Variants in FOXN2 observed in about 807,000 individuals in gnomAD.
The protein encoded by FOXN2 is forkhead box N2, also known as forkhead box protein N2.
FOXN2 carries 19 observed loss-of-function variants against 41.2 expected under a neutral mutation model. That is an observed-to-expected ratio of 0.46 (90% CI 0.32 to 0.68). The LOEUF is 0.68. Ranked by LOEUF, FOXN2 falls within the 30% of genes least tolerant of loss-of-function variation. FOXN2 has a pLI of 0.03. For missense variants in FOXN2, 587 were observed against 509.4 expected (o/e 1.15, Z -1.47); for synonymous variants, 195 against 176.8 (o/e 1.10, Z -0.82).
chr2:48,346,964 G>T (rs1339489453), intron 3 of FOXN2, among the ~76,000 whole-genome samples: 1 of 152,004 alleles, frequency 6.6e-6, no homozygotes, highest in Non-Finnish European at 1.5e-5. Context: ...TCCACTATAG[G>T]TACCTAGATT....
At position 48,375,313 on chromosome 2, in the gene FOXN2, C is replaced by T. The variant is rs756108709; in HGVS notation, c.1166C>T (p.Thr389Ile). The T allele has an allele frequency of 4.3e-6, 7 of 1,613,754 alleles. No individual in the cohort carries two copies. In the East Asian group the frequency reaches 1.3e-4, roughly 31 times the overall value. ...TCAGGCAAAAAGATGCGAAAACAGACATGTCAAGAAATTGATGAGGAGCTC... is the reference window on the plus strand; with the variant it reads ...TCAGGCAAAAAGATGCGAAAACAGATATGTCAAGAAATTGATGAGGAGCTC... ...GQSGKKMRKQ[T>I]CQEIDEELKE... Residue 389 changes from threonine (T) to isoleucine (I), a missense_variant, in exon 7 of 7, where the codon ACA (threonine) becomes ATA (isoleucine). Transcript: ENST00000340553.
At chr2:48,355,204 A>G (rs978321597) in intron 3 of FOXN2, among the ~76,000 whole-genome samples, 25 of 152,350 alleles carry the variant, frequency 1.6e-4, no homozygotes, top group African/African-American at 5.5e-4. Context: ...GGTCACATCT[A>G]TAATTTTTAA....
rs781232464 is a variant in FOXN2, at chr2:48,374,889, GACCT to G, written c.773-29_773-26del. On this transcript the variant is annotated intron_variant, in intron 6 of 6. Transcript: ENST00000340553. ...TCTGTTTTTGCAACCAAACACATTT[GACCT>G]ATTGATGGAACTTTTATTTTCCACA... 5.1e-6 allele frequency: 8 copies of G among 1,563,376 alleles called. No homozygotes were observed. In the African/African-American group the frequency reaches 1.1e-4, roughly 21 times the overall value.
At chr2:48,336,418 A>AT (rs1553410430) in intron 2 of FOXN2, among the ~76,000 whole-genome samples, 174 of 147,448 alleles carry the variant, frequency 1.2e-3, no homozygotes, top group African/African-American at 2.3e-3. Context: ...CAAAAAAAAA[A>AT]ATATATATAT....
intron 1 of FOXN2, among the ~76,000 whole-genome samples, chr2:48,321,515 G>A (rs1327104647): frequency 6.6e-6 from 1 of 151,988 alleles, no homozygotes; most frequent in African/African-American, 2.4e-5. Flanking sequence ...CAGCCTGGGC[G>A]ACAGAGCAAC....
At position 48,346,535 on chromosome 2, in the gene FOXN2, A is replaced by T. The variant is rs141843958; in HGVS notation, c.321A>T (p.Lys107Asn). The part of the protein sequence containing the change: ...GPACYQNPEK[K>N]SATSKPPYSF... ...CTTGCTACCAGAACCCAGAAAAAAA[A>T]TCAGCGACTTCAAAGCCCCCATACT... Residue 107 changes from lysine (K) to asparagine (N), a missense_variant, in exon 3 of 7, where the codon AAA (lysine) becomes AAT (asparagine). Physicochemically the swap from Lys to Asn is moderately conservative, Grantham distance 94. Coordinates refer to ENST00000340553, the MANE Select transcript of FOXN2 (RefSeq NM_002158.4). The T allele has an allele frequency of 6.2e-7, 1 of 1,613,538 alleles. No individual in the cohort carries two copies. The highest frequency in any genetic ancestry group is 1.1e-5 in the South Asian group (1 of 91,034).
chr2:48,324,141 A>G (rs1309802011), intron 1 of FOXN2, among the ~76,000 whole-genome samples: 1 of 152,162 alleles, frequency 6.6e-6, no homozygotes, highest in African/African-American at 2.4e-5. Flanking sequence ...AGTAGAATGG[A>G]AAACATAGTA....
At chr2:48,345,576 G>GT (rs1300230653) in intron 2 of FOXN2, among the ~76,000 whole-genome samples, 2 of 152,048 alleles carry the variant, frequency 1.3e-5, no homozygotes, top group African/African-American at 4.8e-5. Context: ...ATATATACAT[G>GT]TATCATAATA....
At position 48,375,681 on chromosome 2, in the gene FOXN2, A is replaced by G. The variant is rs958755735; in HGVS notation, c.*238A>G. ...ATAATTTTTGTGATAAATGTGTCCA[A>G]GATTTGAAAATTTTTATATAAGAAA... On this transcript the variant is annotated 3_prime_UTR_variant, in exon 7 of 7. Coordinates refer to ENST00000340553, the MANE Select transcript of FOXN2 (RefSeq NM_002158.4). The G allele has an allele frequency of 5.6e-6, 2 of 360,304 alleles. No individual in the cohort carries two copies. The highest frequency in any genetic ancestry group is 4.1e-5 in the African/African-American group (2 of 48,338). 22.3% of individuals were successfully genotyped at this position (360,304 alleles called of 1,614,324 possible). A position where few individuals can be genotyped will look rare whatever the true frequency, so the allele number is the denominator to read the frequency against.
At chr2:48,344,661 C>G (rs1670978900) in intron 2 of FOXN2, among the ~76,000 whole-genome samples, 1 of 152,162 alleles carries the variant, frequency 6.6e-6, no homozygotes, top group Non-Finnish European at 1.5e-5. Flanking sequence ...ATGGAGTGCT[C>G]TGAGGCTAAC....
chr2:48,319,691 A>G (rs1229902205), intron 1 of FOXN2, among the ~76,000 whole-genome samples: 3 of 150,692 alleles, frequency 2.0e-5, no homozygotes, highest in Non-Finnish European at 1.5e-5. Context: ...GTGCACTGCA[A>G]GCTCCACCTC....
In FOXN2 at chr2:48,333,246, A is replaced by G. The variant is rs1670127608; in HGVS notation, c.-15+4544A>G. Among the ~76,000 whole-genome samples the G allele has an allele frequency of 5.3e-5, 8 of 152,268 alleles. No individual in the cohort carries two copies. The South Asian group carries it at 1.7e-3, about 32-fold the overall frequency. ...AAAGAACCAGCAGAGGTTCTTCTGAATAGTATATCTCTTATACATCTCTTT... is the reference window on the plus strand; with the variant it reads ...AAAGAACCAGCAGAGGTTCTTCTGAGTAGTATATCTCTTATACATCTCTTT... On this transcript the variant is annotated intron_variant, in intron 2 of 6. Transcript: ENST00000340553.
intron 4 of FOXN2, among the ~76,000 whole-genome samples, chr2:48,360,859 A>G (rs1672126850): frequency 6.6e-6 from 1 of 151,120 alleles, no homozygotes; most frequent in Non-Finnish European, 1.5e-5. Context: ...CCAAAAATAC[A>G]AAAATTAGCT....
chr2:48,364,464 A>G (rs1004798273), intron 5 of FOXN2, among the ~76,000 whole-genome samples: 4 of 152,126 alleles, frequency 2.6e-5, no homozygotes, highest in African/African-American at 7.2e-5. Context: ...ATACACTTGC[A>G]TGCGTGTATG....
At position 48,377,344 on chromosome 2, in the gene FOXN2, C is replaced by T. The variant is rs1051747088; in HGVS notation, c.*1901C>T. ...ACCACAGTATAAATAATAGATTATA[C>T]ACATCATCTTAATAACTATTTTTAA... On this transcript the variant is annotated 3_prime_UTR_variant, in exon 7 of 7. Transcript: ENST00000340553. 6.6e-6 allele frequency: 1 copy of T among 151,858 alleles called. No individual in the cohort carries two copies. Among genetic ancestry groups the T allele is most frequent in the African/African-American group, 2.4e-5 (1 of 41,384 alleles). 9.4% of individuals were successfully genotyped at this position (151,858 alleles called of 1,614,324 possible).
intron 1 of FOXN2, among the ~76,000 whole-genome samples, chr2:48,327,968 C>T (rs1039313153): frequency 1.3e-5 from 2 of 152,012 alleles, no homozygotes; most frequent in East Asian, 3.8e-4. Flanking sequence ...GACATTGGGG[C>T]TATTAGTAAG....
chr2:48,314,161 G>T (rs1333007944), upstream of FOXN2, among the ~76,000 whole-genome samples: 2 of 152,226 alleles, frequency 1.3e-5, no homozygotes, highest in East Asian at 1.9e-4. Context: ...AAGGTCTTGC[G>T]GAAACCCACA....
chr2:48,353,839 CTCTG>C (rs939174604), intron 3 of FOXN2, among the ~76,000 whole-genome samples: 30 of 151,364 alleles, frequency 2.0e-4, no homozygotes, highest in South Asian at 1.7e-3. Flanking sequence ...TATTGTTATC[CTCTG>C]TCTTTTTTTT....
chr2:48,348,585 T>C (rs925615506), intron 3 of FOXN2, among the ~76,000 whole-genome samples: 2 of 152,220 alleles, frequency 1.3e-5, no homozygotes, highest in African/African-American at 4.8e-5. Flanking sequence ...GACGGAAGTA[T>C]GTAATATTTC....
Sources: gnomAD v4.1 joint callset for allele counts (sites outside exome capture counted in the v4.1 genomes callset) on GRCh38, gnomAD v4.1.1 for gene constraint, MANE v1.5 for transcripts, NCBI Gene and HGNC (gene_info 2026-07-23, HGNC 2026-07-21) for gene names.